The following SIL1 variants were observed in gnomAD, a reference collection of about 807,000 sequenced individuals.
The protein encoded by SIL1 is SIL1 nucleotide exchange factor.
Under a neutral mutation model 49.1 loss-of-function variants are expected in SIL1, and 40 were observed. The ratio of observed to expected loss-of-function variants is 0.81; its 90% CI spans 0.63 to 1.06. SIL1 has a LOEUF of 1.06. Ranked by LOEUF, SIL1 falls within the 50% of genes least tolerant of loss-of-function variation. The probability of loss-of-function intolerance (pLI) is 0.00; values close to 1 mark genes in which losing one functional copy is unlikely to be tolerated. For synonymous variants in SIL1, 253 were observed against 250.8 expected, an observed-to-expected ratio of 1.01 and a Z score of -0.08; for missense variants, 500 against 572.6, an observed-to-expected ratio of 0.87 and a Z score of 1.29.
At chr5:138,980,580 GA>G (rs1402064345) in intron 7 of SIL1, among the ~76,000 whole-genome samples, 2 of 152,136 alleles carry the variant, frequency 1.3e-5, no homozygotes, top group African/African-American at 4.8e-5. Context: ...TTTCATGAGG[GA>G]AAGGAAGGAG....
intron 1 of SIL1, among the ~76,000 whole-genome samples, chr5:139,151,829 G>A (rs1441741037): frequency 6.6e-6 from 1 of 152,192 alleles, no homozygotes; most frequent in East Asian, 1.9e-4. Context: ...ACTTTCAAAA[G>A]AGAAGGAAAG....
chr5:138,967,464 G>A (rs925691846), intron 7 of SIL1, among the ~76,000 whole-genome samples: 1 of 152,230 alleles, frequency 6.6e-6, no homozygotes, highest in African/African-American at 2.4e-5. Context: ...GCATTGGCCA[G>A]AAGACCCAGG....
At chr5:138,977,112 C>T (rs534442241) in intron 7 of SIL1, among the ~76,000 whole-genome samples, 7 of 152,296 alleles carry the variant, frequency 4.6e-5, no homozygotes, top group Admixed American at 1.3e-4. Flanking sequence ...TTGCTCTACT[C>T]GTCTCAGGAC....
chr5:139,005,392 T>C (rs925677752), intron 7 of SIL1, among the ~76,000 whole-genome samples: 9 of 151,664 alleles, frequency 5.9e-5, no homozygotes, highest in East Asian at 5.8e-4. Flanking sequence ...TTCTGTTTTC[T>C]GTGAATTTTA....
intron 2 of SIL1, among the ~76,000 whole-genome samples, chr5:139,122,009 C>T (rs780049648): frequency 3.3e-5 from 5 of 152,128 alleles, no homozygotes; most frequent in Non-Finnish European, 5.9e-5. Context: ...TCAGGAAATT[C>T]GAACCAGAGG....
intron 1 of SIL1, among the ~76,000 whole-genome samples, chr5:139,170,930 G>A (rs1438607797): frequency 2.8e-5 from 4 of 144,426 alleles, no homozygotes; most frequent in African/African-American, 7.7e-5. Context: ...CCAGCCAGCC[G>A]CCCCGTCCGG....
intron 3 of SIL1, among the ~76,000 whole-genome samples, chr5:139,077,374 A>C (rs545243934): frequency 6.6e-6 from 1 of 152,158 alleles, no homozygotes; most frequent in Non-Finnish European, 1.5e-5. Context: ...TATATATCTC[A>C]ATTTCCCCTA....
At chr5:139,173,611 T>C (rs1474495919) in intron 1 of SIL1, among the ~76,000 whole-genome samples, 1 of 151,278 alleles carries the variant, frequency 6.6e-6, no homozygotes, top group East Asian at 1.9e-4. Context: ...GCAAAAGCAA[T>C]ACTAAAGGAG....
At chr5:139,035,529 G>A (rs969553710) in intron 5 of SIL1, 6 of 523,376 alleles carry the variant, frequency 1.1e-5, no homozygotes, top group Admixed American at 5.8e-5. Flanking sequence ...AACCTTTTTC[G>A]GAGACAGACC....
At chr5:139,143,344 C>CACATATATATATAT (rs1451727500) in intron 1 of SIL1, among the ~76,000 whole-genome samples, 28 of 97,490 alleles carry the variant, frequency 2.9e-4, no homozygotes, top group African/African-American at 1.5e-3. Flanking sequence ...CACACACACA[C>CACATATATATATAT]ATATATATAT....
Position 138,947,128 on chromosome 5 carries a change from C to A in SIL1, c.1375G>T (p.Glu459Ter). 3 of 1,613,242 alleles carry A rather than the reference C, an allele frequency of 1.9e-6. No homozygotes were observed. The South Asian group carries it at 3.3e-5, about 18-fold the overall frequency. Reference protein sequence around the residue: ...LLGSVNSLLKELR With the variant: ...LLGSVNSLLK ...CCTGGTGTGGGGCCTCATCTCAGCT[C>A]CTTCAGCAAGCTGTTGACAGAGCCC... The change falls in exon 10 of 10, where the codon GAG becomes TAG. Residue 459 changes from glutamate (E) to a stop codon, truncating the protein, a stop_gained. Coordinates refer to ENST00000394817, the MANE Select transcript of SIL1 (RefSeq NM_022464.5). LOFTEE classifies it high-confidence loss of function. The surrounding 1 kb of genome is among the most constrained non-coding windows in gnomAD (Gnocchi z 4.1).
intron 7 of SIL1, among the ~76,000 whole-genome samples, chr5:138,990,352 C>T (rs1434700913): frequency 6.6e-6 from 1 of 152,136 alleles, no homozygotes; most frequent in African/African-American, 2.4e-5. Flanking sequence ...CAACTCCTTG[C>T]CATGAGAATC....
At chr5:138,961,282 C>A (rs550047846) in intron 7 of SIL1, among the ~76,000 whole-genome samples, 1 of 152,366 alleles carries the variant, frequency 6.6e-6, no homozygotes, top group Non-Finnish European at 1.5e-5. Context: ...CCCTAAGTTT[C>A]TGTCTGGCAT....
chr5:139,055,269 G>C (rs1412106341), intron 3 of SIL1, among the ~76,000 whole-genome samples: 1 of 152,086 alleles, frequency 6.6e-6, no homozygotes, highest in Non-Finnish European at 1.5e-5. Flanking sequence ...CTTGAATTTT[G>C]ACTCCCACTG....
intron 1 of SIL1, among the ~76,000 whole-genome samples, chr5:139,132,146 A>C (rs1750878064): frequency 3.3e-5 from 5 of 152,140 alleles, no homozygotes. Context: ...GAAAAAGAAG[A>C]GGAGGAAGAG....
chr5:139,003,497 GTTTC>G (rs1379339175), intron 7 of SIL1, among the ~76,000 whole-genome samples: 1 of 152,146 alleles, frequency 6.6e-6, no homozygotes, highest in Non-Finnish European at 1.5e-5. Context: ...TTGAGCAGAT[GTTTC>G]TTTATTTACT....
chr5:139,159,232 T>C (rs1433985977), intron 1 of SIL1, among the ~76,000 whole-genome samples: 3 of 152,202 alleles, frequency 2.0e-5, no homozygotes, highest in African/African-American at 7.2e-5. Flanking sequence ...CACATGACAC[T>C]GTCCTTTCTG....
At chr5:139,086,200 G>A (rs2151773422) in intron 3 of SIL1, among the ~76,000 whole-genome samples, 1 of 150,270 alleles carries the variant, frequency 6.7e-6, no homozygotes, top group South Asian at 2.1e-4. Flanking sequence ...TTGAATCTGG[G>A]AGGTCAAGGC....
At chr5:139,061,206 C>T (rs911022808) in intron 3 of SIL1, among the ~76,000 whole-genome samples, 5 of 152,242 alleles carry the variant, frequency 3.3e-5, no homozygotes, top group African/African-American at 1.2e-4. Context: ...CTCCTGGACT[C>T]CCAGTGACAG....
Sources: allele counts gnomAD v4.1 joint callset (sites outside exome capture counted in the v4.1 genomes callset), GRCh38; gene constraint gnomAD v4.1.1; non-coding constraint Gnocchi (gnomAD v3.1); transcripts MANE v1.5; gene names NCBI Gene and HGNC (gene_info 2026-07-23, HGNC 2026-07-21).